Variants in TENM2 observed in about 807,000 individuals in gnomAD.
TENM2 encodes the protein teneurin-2.
In TENM2, 52 loss-of-function variants were observed where a neutral mutation model predicts 245.2. The ratio of observed to expected loss-of-function variants is 0.21; its 90% CI spans 0.17 to 0.27. The LOEUF (loss-of-function observed/expected upper bound fraction) is 0.27. Among genes scored for constraint, TENM2 ranks in the 10% least tolerant of loss-of-function variants. The pLI is 1.00. For synonymous variants in TENM2, 1,363 were observed against 1,438.9 expected (o/e 0.95, Z 1.19); for missense variants, 3,046 against 3,666.8 (o/e 0.83, Z 4.37).
At chr5:168,093,069 G>A (rs796347788) in intron 8 of TENM2, among the ~76,000 whole-genome samples, 26 of 152,334 alleles carry the variant, frequency 1.7e-4, no homozygotes, top group African/African-American at 6.3e-4. Flanking sequence ...GGTGAAATCA[G>A]GATTCATACT....
rs374895330 is a variant in TENM2 at position 167,702,552 on chromosome 5, GTA to G, written c.503-173415_503-173414del. ...TATGTATGTATGTATGTGTGTGTGTGTATATATATATATATATATACATATAT... is the reference window on the plus strand; with the variant it reads ...TATGTATGTATGTATGTGTGTGTGTGTATATATATATATATATACATATAT... On this transcript the variant is annotated intron_variant, in intron 2 of 28. Coordinates refer to ENST00000518659, the Ensembl canonical transcript of TENM2. Among the ~76,000 whole-genome samples the G allele has an allele frequency of 1.2e-3, 162 of 136,670 alleles. No individual in the cohort carries two copies. In the Middle Eastern group the frequency reaches 0.019, roughly 16 times the overall value. 89.7% of individuals were successfully genotyped at this position (136,670 alleles called of 152,430 possible).
At chr5:167,223,953 A>C in the TENM2 span, among the ~76,000 whole-genome samples, 1 of 152,152 alleles carries the variant, frequency 6.6e-6, no homozygotes, top group East Asian at 1.9e-4. Flanking sequence ...GATTTTGAGC[A>C]TTTTGTCATA....
the TENM2 span, among the ~76,000 whole-genome samples, chr5:167,046,452 C>A: frequency 2.0e-5 from 3 of 152,052 alleles, no homozygotes; most frequent in Non-Finnish European, 2.9e-5. Flanking sequence ...AATTACCATC[C>A]AAAAATGGAA....
At chr5:168,043,842 T>A (rs1273965652) in intron 5 of TENM2, among the ~76,000 whole-genome samples, 1 of 152,124 alleles carries the variant, frequency 6.6e-6, no homozygotes, top group African/African-American at 2.4e-5. Context: ...CGGGAAGGGG[T>A]GTGGTCATTC....
chr5:167,155,604 G>A, the TENM2 span, among the ~76,000 whole-genome samples: 1 of 152,318 alleles, frequency 6.6e-6, no homozygotes, highest in East Asian at 1.9e-4. Flanking sequence ...GGCTTCACTC[G>A]TGATTCATGC....
At chr5:168,144,633 A>G (rs555061518) in intron 12 of TENM2, among the ~76,000 whole-genome samples, 37 of 151,478 alleles carry the variant, frequency 2.4e-4, no homozygotes, top group South Asian at 1.9e-3. Context: ...TAATGCCGCA[A>G]TAAACATACA....
intron 4 of TENM2, among the ~76,000 whole-genome samples, chr5:167,987,090 G>A (rs1248050595): frequency 6.6e-6 from 1 of 152,132 alleles, no homozygotes; most frequent in Admixed American, 6.5e-5. Flanking sequence ...TGCCTTATCT[G>A]TTTTTATAGA....
At chr5:167,962,778 C>T (rs571215953) in intron 4 of TENM2, among the ~76,000 whole-genome samples, 3 of 152,240 alleles carry the variant, frequency 2.0e-5, no homozygotes, top group South Asian at 2.1e-4. Context: ...CTCACTATCA[C>T]GACAACAGTA....
In TENM2 at chr5:168,060,150, G is replaced by A. The variant is rs547648244; in HGVS notation, c.1310-1910G>A. On this transcript the variant is annotated intron_variant, in intron 6 of 28. Coordinates refer to ENST00000518659, the Ensembl canonical transcript of TENM2. ...CAGAGGTAATCCCAGCATTTTGGGA[G>A]GCCAAAGCTGGAGAATCACTTGAGA... Among the ~76,000 whole-genome samples the A allele has an allele frequency of 2.3e-4, 35 of 152,034 alleles. No individual in the cohort carries two copies. The Middle Eastern group carries it at 0.014, about 59-fold the overall frequency.
intron 1 of TENM2, among the ~76,000 whole-genome samples, chr5:167,354,555 C>T (rs1262935863): frequency 6.6e-6 from 1 of 152,190 alleles, no homozygotes; most frequent in African/African-American, 2.4e-5. Flanking sequence ...TGTCTAGTCC[C>T]TGGCTAGAGA....
chr5:167,001,486 G>T, the TENM2 span, among the ~76,000 whole-genome samples: 1 of 151,484 alleles, frequency 6.6e-6, no homozygotes, highest in Non-Finnish European at 1.5e-5. Flanking sequence ...GGGAACATCT[G>T]CCATTATACT....
chr5:167,976,738 TA>T (rs1233463316), intron 4 of TENM2, among the ~76,000 whole-genome samples: 1 of 152,236 alleles, frequency 6.6e-6, no homozygotes, highest in Non-Finnish European at 1.5e-5. Context: ...GCTTGGTACA[TA>T]AGTACTGTTT....
chr5:167,713,572 C>T (rs1300791294), intron 2 of TENM2, among the ~76,000 whole-genome samples: 1 of 151,586 alleles, frequency 6.6e-6, no homozygotes, highest in Non-Finnish European at 1.5e-5. Flanking sequence ...ACACCCCCAC[C>T]ACCACATTCA....
At chr5:168,132,900 G>A (rs1754714281) in intron 12 of TENM2, among the ~76,000 whole-genome samples, 1 of 152,208 alleles carries the variant, frequency 6.6e-6, no homozygotes, top group Non-Finnish European at 1.5e-5. Flanking sequence ...GGTTCCTGGA[G>A]AGCTGAGCTC....
intron 2 of TENM2, among the ~76,000 whole-genome samples, chr5:167,501,752 T>C (rs1769227715): frequency 4.6e-5 from 7 of 152,170 alleles, no homozygotes. Context: ...TTGGAGACAC[T>C]GTAGGTAGTT....
chr5:168,194,533 C>T (rs1166092225), intron 14 of TENM2, among the ~76,000 whole-genome samples: 2 of 151,956 alleles, frequency 1.3e-5, no homozygotes, highest in African/African-American at 4.8e-5. Context: ...AATCCAGAAT[C>T]CAATATATTT....
At chr5:167,526,649 A>G (rs890093790) in intron 2 of TENM2, among the ~76,000 whole-genome samples, 2 of 152,120 alleles carry the variant, frequency 1.3e-5, no homozygotes, top group African/African-American at 2.4e-5. Flanking sequence ...ACATGCCAGT[A>G]TATTAATACT....
chr5:168,168,665 G>A lies in TENM2; in HGVS notation c.2569+5908G>A, dbSNP rs1009865311. On this transcript the variant is annotated intron_variant, in intron 13 of 28. Coordinates refer to ENST00000518659, the Ensembl canonical transcript of TENM2. ...CTATTACACTCCAGCCTGGGCGACA[G>A]AGTGAGACCCTGTCTCAAAAAAAAA... Among the ~76,000 whole-genome samples, 27 of 136,058 alleles carry A rather than the reference G, an allele frequency of 2.0e-4. No homozygotes were observed. In the East Asian group the frequency reaches 5.8e-3, roughly 29 times the overall value. The allele number at this position is 136,058 out of a possible 152,430, so 89.3% of individuals were successfully genotyped here.
intron 5 of TENM2, among the ~76,000 whole-genome samples, chr5:168,018,493 G>T (rs563983457): frequency 6.7e-6 from 1 of 150,338 alleles, no homozygotes; most frequent in Non-Finnish European, 1.5e-5. Context: ...CTCTTTTGTT[G>T]ATGACAATTT....
Sources: allele counts gnomAD v4.1 joint callset (sites outside exome capture counted in the v4.1 genomes callset), GRCh38; gene constraint gnomAD v4.1.1; transcripts MANE v1.5; gene names NCBI Gene and HGNC (gene_info 2026-07-23, HGNC 2026-07-21).